Variants in PARP4 observed in about 807,000 individuals in gnomAD.
PARP4 encodes the protein poly(ADP-ribose) polymerase family member 4.
In PARP4, 120 loss-of-function variants were observed where a neutral mutation model predicts 187.7. That is an observed-to-expected ratio of 0.64 (90% CI 0.55 to 0.74). The LOEUF (loss-of-function observed/expected upper bound fraction) is 0.74. PARP4 is among the 30% of genes least tolerant of loss of function. The pLI, the probability that PARP4 is intolerant of heterozygous loss-of-function variation, is 0.00. For synonymous variants in PARP4, 654 were observed against 740.9 expected, an observed-to-expected ratio of 0.88 and a Z score of 1.90; for missense variants, 1,836 against 2,070.5, an observed-to-expected ratio of 0.89 and a Z score of 2.20.
At chr13:24,443,782 G>T (rs1446367685) in intron 27 of PARP4, 52 bp from the exon 28 acceptor site, 1 of 1,204,706 alleles carries the variant, frequency 8.3e-7, no homozygotes, top group Non-Finnish European at 1.2e-6. Flanking sequence ...TCTAATATAA[G>T]ACTTGCAAAG....
intron 33 of PARP4, among the ~76,000 whole-genome samples, chr13:24,425,989 G>A (rs1282585226): frequency 2.6e-5 from 4 of 152,198 alleles, no homozygotes; most frequent in Non-Finnish European, 5.9e-5. Context: ...TATTTGCCAA[G>A]GGAGGAGATT....
intron 2 of PARP4, among the ~76,000 whole-genome samples, 154 bp from the exon 3 acceptor site, chr13:24,501,988 T>C (rs898763551): frequency 2.0e-5 from 3 of 152,258 alleles, no homozygotes. Context: ...TCACAGTTTC[T>C]AGTTACATAA....
chr13:24,443,717 A>G lies in PARP4; in HGVS notation c.3380T>C (p.Leu1127Pro). 1 of 1,613,454 alleles carries G rather than the reference A, an allele frequency of 6.2e-7. No individual in the cohort carries two copies. The highest frequency in any genetic ancestry group is 8.5e-7 in the Non-Finnish European group (1 of 1,179,334). Reference protein sequence around the residue: ...QKTTGTMIHKLAARALIRDYE... With the variant: ...QKTTGTMIHKPAARALIRDYE... The stretch of plus-strand genomic sequence containing the variant: ...ATCTCTGATTAGAGCTCGGGCTGCC[A>G]GCTTGTGGATCATCTGTGTTTAAGC... The change falls in exon 28 of 34, where the codon CTG (leucine) becomes CCG (proline). Residue 1127 changes from leucine to proline, a missense_variant. Around this residue, in one of 8 missense-constraint regions of PARP4, gnomAD observed 56 missense variants for 56.6 expected, o/e 0.99. Transcript: ENST00000381989.
chr13:24,477,767 G>T lies in PARP4; in HGVS notation c.1723C>A (p.His575Asn). 6.3e-7 allele frequency: 1 copy of T among 1,585,084 alleles called. No homozygotes were observed. The change falls in exon 14 of 34, where the codon CAT becomes AAT. Residue 575 changes from histidine to asparagine, a missense_variant. Coordinates refer to ENST00000381989, the MANE Select transcript of PARP4 (RefSeq NM_006437.4). ...TCTAATTCAGTATGATCACTAGGAT[G>T]AAAGTCCTTTATCTGATCTCCAGGC... is the stretch of plus-strand genomic sequence containing the variant. Reference protein sequence around the residue: ...SMPGDQIKDFHPSDHTELEEY... With the variant: ...SMPGDQIKDFNPSDHTELEEY...
intron 17 of PARP4, among the ~76,000 whole-genome samples, chr13:24,463,157 T>C (rs1872292709): frequency 6.6e-6 from 1 of 152,028 alleles, no homozygotes; most frequent in East Asian, 1.9e-4. Flanking sequence ...CCTTCACATA[T>C]AGATGAACAA....
At chr13:24,429,637 A>C (rs1421348028) in intron 32 of PARP4, among the ~76,000 whole-genome samples, 1 of 152,212 alleles carries the variant, frequency 6.6e-6, no homozygotes, top group East Asian at 1.9e-4. Context: ...ATTTGGTGCC[A>C]CTTGAACTCT....
chr13:24,491,628 C>G (rs1387226689), intron 9 of PARP4, among the ~76,000 whole-genome samples: 5 of 152,184 alleles, frequency 3.3e-5, no homozygotes, highest in African/African-American at 1.2e-4. Flanking sequence ...TTGGCCAAAT[C>G]CCTGCATGCA....
chr13:24,481,684 C>T (rs1367974586), intron 12 of PARP4, among the ~76,000 whole-genome samples: 1 of 152,102 alleles, frequency 6.6e-6, no homozygotes, highest in Non-Finnish European at 1.5e-5. Flanking sequence ...CAAGAGCAAA[C>T]TCCATCTCAA....
chr13:24,451,967 A>G (rs2137469470), intron 24 of PARP4: 1 of 154,692 alleles, frequency 6.5e-6, no homozygotes, highest in South Asian at 2.0e-4. Context: ...CCTGGAGGTC[A>G]CATGCCCCCA....
chr13:24,456,240 T>C, intron 21 of PARP4, 101 bp downstream of exon 21: 1 of 883,350 alleles, frequency 1.1e-6, no homozygotes, highest in Non-Finnish European at 1.7e-6. Context: ...CATTTTGTAA[T>C]GCTAGTTTTT....
intron 18 of PARP4, chr13:24,459,620 A>T: frequency 2.6e-6 from 1 of 377,572 alleles, no homozygotes; most frequent in Non-Finnish European, 4.7e-6. Context: ...GATATACCGA[A>T]GTATTAACCA....
chr13:24,439,205 T>C (rs1417036086), intron 30 of PARP4, among the ~76,000 whole-genome samples: 2 of 152,000 alleles, frequency 1.3e-5, no homozygotes, highest in Non-Finnish European at 2.9e-5. Context: ...CTCGCTCCTG[T>C]AATCCCAGCT....
chr13:24,511,293 C>T (rs1340813785), intron 1 of PARP4, among the ~76,000 whole-genome samples: 1 of 152,130 alleles, frequency 6.6e-6, no homozygotes, highest in Non-Finnish European at 1.5e-5. Context: ...GCCACTAGTT[C>T]TTCCTTGTTT....
chr13:24,441,909 T>C lies in PARP4; in HGVS notation c.3603A>G (p.Glu1201=). The change falls in exon 30 of 34, where the codon GAA becomes GAG. Residue 1201 remains glutamate, a synonymous_variant. Transcript: ENST00000381989. ...IPKVSELIAK[E]DVDFLPYMSW... is the part of the protein sequence containing the mutation. ...TCATGTAGGGCAGGAAGTCTACATC[T>C]TCTTTGGCAATAAGTTCAGAAACTT... is the stretch of plus-strand genomic sequence containing the variant. The C allele has an allele frequency of 1.2e-6, 2 of 1,610,532 alleles. No homozygotes were observed. The highest frequency in any genetic ancestry group is 2.2e-5 in the South Asian group (2 of 90,416).
chr13:24,451,870 C>T (rs561755122), intron 24 of PARP4: 1 of 152,900 alleles, frequency 6.5e-6, no homozygotes, highest in Non-Finnish European at 1.5e-5. Context: ...TGGAAAGCTT[C>T]TATGCACACC....
rs761674294 is a variant in PARP4 at position 24,434,685 on chromosome 13, C to T, written c.4456G>A (p.Ala1486Thr). ...GTAGTCCGGGACTGACTGCAAAGAG[C>T]CTCAGGTAAAGCAGAGGCCATTGGC... ...RLPMASALPE[A>T]LCSQSRTTPV... is the part of the protein sequence containing the mutation. The change falls in exon 31 of 34, where the codon GCT (alanine) becomes ACT (threonine). Residue 1486 changes from alanine to threonine, a missense_variant. Around this residue, in one of 8 missense-constraint regions of PARP4, gnomAD observed 450 missense variants for 439.2 expected, o/e 1.02. Coordinates refer to ENST00000381989, the MANE Select transcript of PARP4 (RefSeq NM_006437.4). 1 of 1,614,080 alleles carries T rather than the reference C, an allele frequency of 6.2e-7. No homozygotes were observed. Among genetic ancestry groups the T allele is most frequent in the Admixed American group, 1.7e-5 (1 of 60,002 alleles).
chr13:24,506,388 CGTGGAA>C (rs1317174884), intron 1 of PARP4, among the ~76,000 whole-genome samples: 2 of 152,260 alleles, frequency 1.3e-5, no homozygotes, highest in African/African-American at 2.4e-5. Context: ...GCTTCCACAG[CGTGGAA>C]GAGGACCCCA....
chr13:24,510,922 A>AG (rs1416941016), intron 1 of PARP4, among the ~76,000 whole-genome samples: 7 of 152,038 alleles, frequency 4.6e-5, no homozygotes, highest in African/African-American at 1.7e-4. Flanking sequence ...CGGCCTACTT[A>AG]GTAGCTGGGA....
chr13:24,455,490 T>C (rs1220566127), intron 21 of PARP4, among the ~76,000 whole-genome samples: 1 of 138,492 alleles, frequency 7.2e-6, no homozygotes, highest in Non-Finnish European at 1.6e-5. Context: ...AATATATATA[T>C]ATATATATAT....
Sources: allele counts gnomAD v4.1 joint callset (sites outside exome capture counted in the v4.1 genomes callset), GRCh38; gene constraint gnomAD v4.1.1; regional missense constraint gnomAD v4.1.1; transcripts MANE v1.5; gene names NCBI Gene and HGNC (gene_info 2026-07-23, HGNC 2026-07-21).